Variants in RBFOX1 observed in about 807,000 individuals in gnomAD.
RBFOX1 encodes the protein RNA binding protein fox-1 homolog 1.
RBFOX1 carries 8 observed loss-of-function variants against 57.7 expected under a neutral mutation model. The observed-to-expected ratio is 0.14, with a 90% CI of 0.08 to 0.25. The LOEUF (loss-of-function observed/expected upper bound fraction) is 0.25. Among genes scored for constraint, RBFOX1 ranks in the 10% least tolerant of loss-of-function variants. The pLI is 1.00. For missense variants in RBFOX1, 611 were observed against 548.5 expected (o/e 1.11, Z -1.14); for synonymous variants, 326 against 222.4 (o/e 1.47, Z -4.15).
chr16:5,997,783 A>C lies in RBFOX1; in HGVS notation c.351+130448A>C, dbSNP rs746551833. ...ATCTCACTCAACTAGGAGATCATCA[A>C]ATCCAATAAATGAACCTGTTTGCTT... On this transcript the variant is annotated intron_variant, in intron 4 of 19. Coordinates refer to the RBFOX1 transcript ENST00000641259. Among the ~76,000 whole-genome samples the C allele has an allele frequency of 5.9e-5, 9 of 152,346 alleles. No individual in the cohort carries two copies. In the South Asian group the frequency reaches 6.2e-4, roughly 11 times the overall value.
intron 5 of RBFOX1, among the ~76,000 whole-genome samples, chr16:7,569,706 G>A (rs1486012258): frequency 6.6e-6 from 1 of 152,164 alleles, no homozygotes; most frequent in East Asian, 1.9e-4. Context: ...TTGAGCACCT[G>A]AAATACAGCT....
intron 1 of RBFOX1, among the ~76,000 whole-genome samples, chr16:6,174,892 A>G (rs1209438998): frequency 1.3e-5 from 2 of 152,176 alleles, no homozygotes; most frequent in South Asian, 2.1e-4. Flanking sequence ...ACCCTTTCCA[A>G]TAGTCTACTG....
Position 7,440,494 on chromosome 16 carries a change from A to G in RBFOX1, c.28-77653A>G, listed in dbSNP as rs1400232787. Among the ~76,000 whole-genome samples, 4 of 152,158 alleles carry G rather than the reference A, an allele frequency of 2.6e-5. No homozygotes were observed. The East Asian group carries it at 7.7e-4, about 29-fold the overall frequency. ...GGCTTATGAAGGCACTGAGAGCCCA[A>G]GGAATGTGGCCAGCATTAGGCGGCA... is the stretch of plus-strand genomic sequence containing the variant. On this transcript the variant is annotated intron_variant, in intron 4 of 15. Transcript: ENST00000550418.
intron 3 of RBFOX1, among the ~76,000 whole-genome samples, chr16:6,741,526 A>G (rs769602930): frequency 1.8e-4 from 27 of 151,832 alleles, no homozygotes; most frequent in Non-Finnish European, 3.2e-4. Context: ...TAGCCAGGCT[A>G]ACTTTGGTGG....
At chr16:6,692,797 A>G (rs1005781052) in intron 3 of RBFOX1, among the ~76,000 whole-genome samples, 2 of 152,030 alleles carry the variant, frequency 1.3e-5, no homozygotes, top group African/African-American at 4.8e-5. Context: ...CATTGTCACT[A>G]TCAGTACTAT....
At chr16:6,498,184 G>A (rs1406190706) in intron 2 of RBFOX1, among the ~76,000 whole-genome samples, 2 of 151,414 alleles carry the variant, frequency 1.3e-5, no homozygotes, top group African/African-American at 4.9e-5. Context: ...CCTGGGAGGT[G>A]GAGGTTGCAG....
chr16:5,546,156 A>C (rs1273901144), intron 2 of RBFOX1, among the ~76,000 whole-genome samples: 1 of 152,212 alleles, frequency 6.6e-6, no homozygotes, highest in Non-Finnish European at 1.5e-5. Context: ...ACAATATATT[A>C]ATAAGACAAA....
At position 5,814,890 on chromosome 16, in the gene RBFOX1, C is replaced by G. The variant is rs952833408; in HGVS notation, c.319-52413C>G. On this transcript the variant is annotated intron_variant, in intron 3 of 19. Transcript: ENST00000641259. ...CTTGCAGTGAGCCGAGATTGCGCCA[C>G]TGCAGTCCGCAGTCCGGCCTGGGCG... Among the ~76,000 whole-genome samples, 9 of 152,152 alleles carry G rather than the reference C, an allele frequency of 5.9e-5. No homozygotes were observed. In the South Asian group the frequency reaches 6.2e-4, roughly 11 times the overall value.
intron 1 of RBFOX1, among the ~76,000 whole-genome samples, chr16:5,380,584 A>T (rs1282512969): frequency 6.6e-6 from 1 of 152,236 alleles, no homozygotes; most frequent in Non-Finnish European, 1.5e-5. Flanking sequence ...GTGTGAAAGC[A>T]TTGCTAATTC....
chr16:6,208,033 CAT>C (rs1432168722), intron 1 of RBFOX1, among the ~76,000 whole-genome samples: 1 of 151,632 alleles, frequency 6.6e-6, no homozygotes, highest in African/African-American at 2.4e-5. Flanking sequence ...TGTGTGTATA[CAT>C]ATATATGTGT....
rs555766919 is a variant in RBFOX1, at chr16:7,667,873, C to T, written c.930+2905C>T. Among the ~76,000 whole-genome samples, 12 of 152,178 alleles carry T rather than the reference C, an allele frequency of 7.9e-5. No individual in the cohort carries two copies. In the South Asian group the frequency reaches 1.0e-3, roughly 13 times the overall value. On this transcript the variant is annotated intron_variant, in intron 13 of 15. Coordinates refer to ENST00000550418, the MANE Select transcript of RBFOX1 (RefSeq NM_018723.4). ...ATTTTTAGTAAAGACAGGATTTCAC[C>T]ATGTTGGCCAGGGTGGTCTGGAACT...
chr16:7,202,760 C>A (rs1034830187), intron 4 of RBFOX1, among the ~76,000 whole-genome samples: 1 of 152,158 alleles, frequency 6.6e-6, no homozygotes, highest in South Asian at 2.1e-4. Context: ...GCCTGATGAT[C>A]TGAAGTGGGA....
chr16:6,499,152 C>G (rs1462583740), intron 2 of RBFOX1, among the ~76,000 whole-genome samples: 2 of 152,150 alleles, frequency 1.3e-5, no homozygotes. Context: ...ACTGTGGAAG[C>G]TGGATGCTGG....
intron 4 of RBFOX1, among the ~76,000 whole-genome samples, chr16:7,361,892 ATGTG>A (rs1329749616): frequency 6.6e-6 from 1 of 150,586 alleles, no homozygotes. Context: ...ATATGTTAGT[ATGTG>A]TATTTTTTTG....
intron 1 of RBFOX1, among the ~76,000 whole-genome samples, chr16:5,391,132 G>T (rs1216880195): frequency 6.6e-6 from 1 of 152,226 alleles, no homozygotes; most frequent in East Asian, 1.9e-4. Flanking sequence ...ACGTTAGGTT[G>T]TGTTAGGAAA....
At chr16:6,815,452 C>A (rs148389250) in intron 3 of RBFOX1, among the ~76,000 whole-genome samples, 145 of 152,284 alleles carry the variant, frequency 9.5e-4, no homozygotes, top group African/African-American at 3.2e-3. Context: ...TCAAACACCT[C>A]TGACATTCGC....
chr16:5,375,161 T>G (rs2151379718), intron 1 of RBFOX1, among the ~76,000 whole-genome samples: 1 of 149,364 alleles, frequency 6.7e-6, no homozygotes, highest in Non-Finnish European at 1.5e-5. Flanking sequence ...GTTAAACCGA[T>G]CTCTTCGAGG....
At chr16:6,791,113 G>T (rs1358223064) in intron 3 of RBFOX1, among the ~76,000 whole-genome samples, 1 of 151,810 alleles carries the variant, frequency 6.6e-6, no homozygotes, top group African/African-American at 2.4e-5. Context: ...TGCCATCTTG[G>T]CTAGGCTGAT....
At chr16:7,061,782 C>G (rs1004615590) in intron 4 of RBFOX1, among the ~76,000 whole-genome samples, 2 of 152,138 alleles carry the variant, frequency 1.3e-5, no homozygotes, top group African/African-American at 2.4e-5. Flanking sequence ...CTCTTCATTT[C>G]TATGACTGAT....
Sources: allele counts gnomAD v4.1 joint callset (sites outside exome capture counted in the v4.1 genomes callset), GRCh38; gene constraint gnomAD v4.1.1; transcripts MANE v1.5; gene names NCBI Gene and HGNC (gene_info 2026-07-23, HGNC 2026-07-21).